Variants in DGLUCY observed in about 807,000 individuals in gnomAD.
DGLUCY encodes the protein D-glutamate cyclase, mitochondrial.
Under a neutral mutation model 58.5 loss-of-function variants are expected in DGLUCY, and 58 were observed. That is an observed-to-expected ratio of 0.99 (90% CI 0.80 to 1.23). The LOEUF is 1.23. Ranked by LOEUF, DGLUCY falls within the 50% of genes most tolerant of loss-of-function variation. The pLI is 0.00. For missense variants in DGLUCY, 779 were observed against 784.7 expected (o/e 0.99, Z 0.09); for synonymous variants, 325 against 314.1 (o/e 1.03, Z -0.37).
At chr14:91,085,018 T>C (rs2044189079) in intron 1 of DGLUCY, among the ~76,000 whole-genome samples, 1 of 151,934 alleles carries the variant, frequency 6.6e-6, no homozygotes, top group Admixed American at 6.6e-5. Flanking sequence ...GTCCAGGAGT[T>C]CAAGACCAGC....
At chr14:91,061,753 T>C (rs2043692545) in intron 1 of DGLUCY, among the ~76,000 whole-genome samples, 1 of 152,222 alleles carries the variant, frequency 6.6e-6, no homozygotes, top group Non-Finnish European at 1.5e-5. Context: ...GAGATACAGC[T>C]GACAAGGTGA....
chr14:91,205,205 T>C (rs1427678915), intron 12 of DGLUCY, among the ~76,000 whole-genome samples: 1 of 152,160 alleles, frequency 6.6e-6, no homozygotes, highest in Non-Finnish European at 1.5e-5. Context: ...AGATCAGTGG[T>C]CAGGAAGGCT....
chr14:91,224,490 G>A (rs559733123), intron 13 of DGLUCY, among the ~76,000 whole-genome samples, 194 bp from the exon 14 acceptor site: 5 of 152,314 alleles, frequency 3.3e-5, no homozygotes, highest in South Asian at 2.1e-4. Flanking sequence ...AGATTTGGGG[G>A]CCAATGAGCT....
intron 1 of DGLUCY, among the ~76,000 whole-genome samples, chr14:91,095,795 T>C (rs2044385017): frequency 6.8e-6 from 1 of 146,508 alleles, no homozygotes; most frequent in Non-Finnish European, 1.5e-5. Context: ...CCTCCCCAGC[T>C]TTCCGTCTGG....
intron 13 of DGLUCY, among the ~76,000 whole-genome samples, chr14:91,221,689 C>G (rs1887544309): frequency 6.6e-6 from 1 of 152,134 alleles, no homozygotes. Context: ...CCTCGGGCCT[C>G]ATTCTGGGCT....
chr14:91,104,199 A>G (rs1400528233), upstream of DGLUCY, among the ~76,000 whole-genome samples: 1 of 150,408 alleles, frequency 6.6e-6, no homozygotes, highest in Admixed American at 6.7e-5. Flanking sequence ...AGTAGCTGGG[A>G]CTACAGGCAC....
chr14:91,175,298 G>A (rs1380811215), intron 6 of DGLUCY, among the ~76,000 whole-genome samples: 1 of 152,086 alleles, frequency 6.6e-6, no homozygotes, highest in African/African-American at 2.4e-5. Flanking sequence ...CTCTTAGAAG[G>A]CCTGATGAGA....
intron 13 of DGLUCY, among the ~76,000 whole-genome samples, chr14:91,222,200 C>A (rs1242196808): frequency 6.6e-6 from 1 of 152,218 alleles, no homozygotes; most frequent in Non-Finnish European, 1.5e-5. Context: ...CATGGTCATT[C>A]CGTGATTCTT....
chr14:91,095,710 T>C (rs1211612019), intron 1 of DGLUCY, among the ~76,000 whole-genome samples: 1 of 152,162 alleles, frequency 6.6e-6, no homozygotes, highest in Non-Finnish European at 1.5e-5. Context: ...AAGAAGACTC[T>C]GCAAATGGGG....
At chr14:91,184,781 C>G in intron 8 of DGLUCY, among the ~76,000 whole-genome samples, 1 of 152,110 alleles carries the variant, frequency 6.6e-6, no homozygotes, top group East Asian at 1.9e-4. Flanking sequence ...AACCACTGGA[C>G]ATAGCTCTTT....
chr14:91,063,358 C>T (rs1208937415), intron 1 of DGLUCY, among the ~76,000 whole-genome samples: 1 of 151,462 alleles, frequency 6.6e-6, no homozygotes, highest in Non-Finnish European at 1.5e-5. Context: ...ATAACATTTT[C>T]AGGCCTGACC....
chr14:91,067,191 A>T (rs1282319073), intron 1 of DGLUCY, among the ~76,000 whole-genome samples: 1 of 152,032 alleles, frequency 6.6e-6, no homozygotes, highest in Non-Finnish European at 1.5e-5. Flanking sequence ...GACTACTGGC[A>T]CCAAACCCAG....
In DGLUCY at chr14:91,188,970, T is replaced by G; in HGVS notation, c.995T>G (p.Leu332Arg). The G allele has an allele frequency of 6.2e-7, 1 of 1,614,226 alleles. No individual in the cohort carries two copies. Among genetic ancestry groups the G allele is most frequent in the African/African-American group, 1.3e-5 (1 of 75,070 alleles). The change falls in exon 9 of 14, where the codon CTG becomes CGG. Residue 332 changes from leucine (L) to arginine (R), a missense_variant. Leu to Arg is a moderately radical substitution (Grantham distance 102, BLOSUM62 -2). Transcript: ENST00000256324. Reference sequence around the variant, plus strand: ...GAGCTGCTGAAGGCCTCTCTCTCGCTGTCCCATGCCCGCTCAGTGCTCATC... The same window carrying G: ...GAGCTGCTGAAGGCCTCTCTCTCGCGGTCCCATGCCCGCTCAGTGCTCATC... ...KDELLKASLS[L>R]SHARSVLITT...
At chr14:91,167,473 A>G (rs1329706455) in intron 4 of DGLUCY, 95 bp downstream of exon 4, 51 of 1,516,834 alleles carry the variant, frequency 3.4e-5, no homozygotes, top group Non-Finnish European at 4.5e-5. Flanking sequence ...GTCCAGCCTC[A>G]GGGACCTTCA....
At chr14:91,176,472 C>T (rs976959905) in intron 7 of DGLUCY, among the ~76,000 whole-genome samples, 1 of 152,184 alleles carries the variant, frequency 6.6e-6, no homozygotes, top group Non-Finnish European at 1.5e-5. Flanking sequence ...GGTCTGCCCA[C>T]CTTTGCCTCC....
intron 13 of DGLUCY, among the ~76,000 whole-genome samples, chr14:91,217,421 G>A (rs575393352): frequency 1.3e-5 from 2 of 152,182 alleles, no homozygotes; most frequent in Non-Finnish European, 2.9e-5. Context: ...CCTGCCAGTG[G>A]GCAGGCCCGA....
chr14:91,183,902 T>A (rs1047968162), intron 8 of DGLUCY, among the ~76,000 whole-genome samples: 1 of 152,078 alleles, frequency 6.6e-6, no homozygotes, highest in African/African-American at 2.4e-5. Flanking sequence ...CCCCAGTCCC[T>A]CTTCTGGACC....
At chr14:91,139,984 TAGTA>T (rs138265503) in intron 1 of DGLUCY, among the ~76,000 whole-genome samples, 5,288 of 152,288 alleles carry the variant, frequency 0.035, 130 homozygotes, top group Middle Eastern at 0.065. Flanking sequence ...GGTAGGGGAA[TAGTA>T]AGTCAGCACT....
intron 8 of DGLUCY, among the ~76,000 whole-genome samples, chr14:91,186,356 C>T (rs1463589090): frequency 1.3e-5 from 2 of 152,102 alleles, no homozygotes; most frequent in African/African-American, 2.4e-5. Context: ...AAGTGATTCT[C>T]CTGCCTCAGC....
Sources: allele counts gnomAD v4.1 joint callset (sites outside exome capture counted in the v4.1 genomes callset), GRCh38; gene constraint gnomAD v4.1.1; transcripts MANE v1.5; gene names NCBI Gene and HGNC (gene_info 2026-07-23, HGNC 2026-07-21).